The following FLT3 variants were observed in gnomAD, a reference collection of about 807,000 sequenced individuals.
The protein encoded by FLT3 is fms related receptor tyrosine kinase 3, also known as receptor-type tyrosine-protein kinase FLT3.
In FLT3, 46 loss-of-function variants were observed where a neutral mutation model predicts 126.6. The observed-to-expected ratio is 0.36, with a 90% CI of 0.29 to 0.46. The LOEUF (loss-of-function observed/expected upper bound fraction) is 0.46. Ranked by LOEUF, FLT3 falls within the 20% of genes least tolerant of loss-of-function variation. The probability of loss-of-function intolerance (pLI) is 1.00; values close to 1 mark genes in which losing one functional copy is unlikely to be tolerated. For missense variants in FLT3, 1,069 were observed against 1,190.3 expected (o/e 0.90, Z 1.50); for synonymous variants, 404 against 434.4 (o/e 0.93, Z 0.87).
At chr13:28,036,157 A>C in intron 10 of FLT3, 114 bp from the exon 11 acceptor site, 4 of 806,494 alleles carry the variant, frequency 5.0e-6, no homozygotes, top group Non-Finnish European at 8.6e-6. Context: ...AAGGAGTTCA[A>C]GACCAGCCTG....
intron 1 of FLT3, among the ~76,000 whole-genome samples, chr13:28,091,207 C>CTTT (rs572410744): frequency 0.039 from 1,429 of 36,530 alleles, 337 homozygotes; most frequent in Non-Finnish European, 0.045. Context: ...GCCCCATTTT[C>CTTT]TTTTTTTTTT....
At position 28,004,180 on chromosome 13, in the gene FLT3, T is replaced by A; in HGVS notation, c.2860-6A>T. 1 of 1,614,040 alleles carries A rather than the reference T, an allele frequency of 6.2e-7. No individual in the cohort carries two copies. The highest frequency in any genetic ancestry group is 8.5e-7 in the Non-Finnish European group (1 of 1,179,962). On this transcript the variant is annotated splice_polypyrimidine_tract_variant and splice_region_variant and intron_variant, in intron 23 of 23. Transcript: ENST00000241453. ...CCATCCACATTCTGATACATCTGAA[T>A]GTGGGAAAGAGACAGAACACTGATT...
At chr13:28,015,527 G>GGGGGCCC in intron 21 of FLT3, 63 bp downstream of exon 21, 1 of 644,448 alleles carries the variant, frequency 1.6e-6, no homozygotes, top group East Asian at 3.6e-5. Context: ...GGGTGGGGCG[G>GGGGGCCC]CACCGAGAGA....
chr13:28,098,314 C>CAAAAAAAAAAAAAAAAAAAAAAAA (rs55675449), intron 1 of FLT3, among the ~76,000 whole-genome samples: 2 of 85,294 alleles, frequency 2.3e-5, no homozygotes, highest in African/African-American at 7.8e-5. Flanking sequence ...GACTCCGTCT[C>CAAAAAAAAAAAAAAAAAAAAAAAA]AAAAAAAAAA....
chr13:28,037,182 T>C lies in FLT3; in HGVS notation c.1309+3A>G, dbSNP rs1395113802. ...AAATCAAATTCTCGGCAATTTAACT[T>C]ACTTCTTATATTCAGCGTGAACATT... is the stretch of plus-strand genomic sequence containing the variant. On this transcript the variant is annotated splice_donor_region_variant and intron_variant, in intron 10 of 23. Coordinates refer to ENST00000241453, the MANE Select transcript of FLT3 (RefSeq NM_004119.3). 6.7e-7 allele frequency: 1 copy of C among 1,500,792 alleles called. No individual in the cohort carries two copies. 93.0% of individuals were successfully genotyped at this position (1,500,792 alleles called of 1,614,324 possible).
At chr13:28,024,134 TTTC>T (rs200366786) in intron 18 of FLT3, among the ~76,000 whole-genome samples, 18 of 144,346 alleles carry the variant, frequency 1.2e-4, no homozygotes, top group Admixed American at 2.8e-4. Context: ...TTTTTCTTTC[TTTC>T]TTTTTTTTTT....
chr13:28,026,417 G>A (rs1018512593), intron 17 of FLT3, among the ~76,000 whole-genome samples: 7 of 151,404 alleles, frequency 4.6e-5, no homozygotes, highest in African/African-American at 1.7e-4. Flanking sequence ...AGAATGCCTG[G>A]GAATCCATTC....
chr13:28,044,180 G>T (rs1275669494), intron 9 of FLT3, among the ~76,000 whole-genome samples: 2 of 150,614 alleles, frequency 1.3e-5, no homozygotes, highest in Non-Finnish European at 3.0e-5. Flanking sequence ...CAGGCGCGGT[G>T]GTTCATACCT....
intron 9 of FLT3, among the ~76,000 whole-genome samples, chr13:28,044,455 A>C (rs965151948): frequency 1.3e-5 from 2 of 151,554 alleles, no homozygotes; most frequent in Admixed American, 1.3e-4. Context: ...GTCTCAAAAA[A>C]AAAAAAAAAG....
chr13:28,090,240 G>A (rs147504772), intron 1 of FLT3, among the ~76,000 whole-genome samples: 3 of 151,052 alleles, frequency 2.0e-5, no homozygotes, highest in African/African-American at 7.4e-5. Flanking sequence ...GTTTCACCAT[G>A]ATGGCCAAGC....
intron 9 of FLT3, among the ~76,000 whole-genome samples, chr13:28,045,810 G>A (rs1311018912): frequency 2.7e-5 from 4 of 149,990 alleles, no homozygotes; most frequent in Admixed American, 6.7e-5. Context: ...AGCCAAGATC[G>A]TGCCACTGCA....
At chr13:28,080,237 G>A (rs563625079) in intron 1 of FLT3, among the ~76,000 whole-genome samples, 3 of 152,268 alleles carry the variant, frequency 2.0e-5, no homozygotes, top group East Asian at 1.9e-4. Context: ...TTAGCTGGGC[G>A]CCATGGCGCA....
At chr13:28,072,409 T>A (rs900095870) in intron 1 of FLT3, among the ~76,000 whole-genome samples, 1 of 151,954 alleles carries the variant, frequency 6.6e-6, no homozygotes, top group Non-Finnish European at 1.5e-5. Flanking sequence ...CTCTTTTTTT[T>A]AAATTGAGAC....
chr13:28,091,962 C>T (rs1015453205), intron 1 of FLT3, among the ~76,000 whole-genome samples: 1 of 151,958 alleles, frequency 6.6e-6, no homozygotes, highest in Non-Finnish European at 1.5e-5. Flanking sequence ...CCCAGCTACT[C>T]GGGAGGCTGA....
chr13:28,024,330 C>T (rs1429998585), intron 18 of FLT3, among the ~76,000 whole-genome samples: 1 of 152,026 alleles, frequency 6.6e-6, no homozygotes, highest in Non-Finnish European at 1.5e-5. Flanking sequence ...CAAGGTTTCT[C>T]CATGTTGGGC....
chr13:28,087,003 T>C (rs1403261714), intron 1 of FLT3, among the ~76,000 whole-genome samples: 2 of 152,180 alleles, frequency 1.3e-5, no homozygotes, highest in Non-Finnish European at 2.9e-5. Flanking sequence ...TGATTGTTTC[T>C]TTCAGTTTTT....
At chr13:28,098,575 C>G (rs1217642718) in intron 1 of FLT3, among the ~76,000 whole-genome samples, 1 of 152,090 alleles carries the variant, frequency 6.6e-6, no homozygotes, top group Non-Finnish European at 1.5e-5. Context: ...TCTACCAAAC[C>G]TGAACATATC....
rs1003602496 is a variant in FLT3, at chr13:28,100,042, T to G, written c.43+426A>C. ...AGAAGAGTTAAAGACGACACCCAGG[T>G]GTCTACAGTATCCAAGGGCCGGGCC... On this transcript the variant is annotated intron_variant, in intron 1 of 23. Transcript: ENST00000241453. This position sits in a 1 kb window ranked among gnomAD's most constrained non-coding sequence, Gnocchi z 4.8. Among the ~76,000 whole-genome samples, 5 of 152,084 alleles carry G rather than the reference T, an allele frequency of 3.3e-5. No homozygotes were observed. Among genetic ancestry groups the G allele is most frequent in the Non-Finnish European group, 7.4e-5 (5 of 68,016 alleles).
chr13:28,041,158 G>A (rs1253911136), intron 9 of FLT3, among the ~76,000 whole-genome samples: 1 of 152,176 alleles, frequency 6.6e-6, no homozygotes, highest in Non-Finnish European at 1.5e-5. Flanking sequence ...CTAGGGAGGA[G>A]AAGAGGAAAC....
Sources: gnomAD v4.1 joint callset for allele counts (sites outside exome capture counted in the v4.1 genomes callset) on GRCh38, gnomAD v4.1.1 for gene constraint, Gnocchi (gnomAD v3.1) non-coding constraint, MANE v1.5 for transcripts, NCBI Gene and HGNC (gene_info 2026-07-23, HGNC 2026-07-21) for gene names.